Variants in DMD observed in about 807,000 individuals in gnomAD.
DMD encodes mutant dystrophin.
In DMD, 63 loss-of-function variants were observed where a neutral mutation model predicts 330.1. The observed-to-expected ratio is 0.19, with a 90% CI of 0.16 to 0.24. DMD has a LOEUF of 0.24. Ranked by LOEUF, DMD falls within the 10% of genes least tolerant of loss-of-function variation. The pLI is 1.00. For synonymous variants in DMD, 1,223 were observed against 959.8 expected, an observed-to-expected ratio of 1.27 and a Z score of -5.07; for missense variants, 3,344 against 2,684.1, an observed-to-expected ratio of 1.25 and a Z score of -5.43.
chrX:31,959,879 C>T (rs1300634748), intron 45 of DMD, among the ~76,000 whole-genome samples: 1 of 107,190 alleles, frequency 9.3e-6, no homozygotes, highest in East Asian at 3.0e-4. Context: ...ACTCTCCCAC[C>T]TCAGACTCCC....
At chrX:33,059,464 G>T (rs2094556982) in intron 1 of DMD, among the ~76,000 whole-genome samples, 1 of 110,698 alleles carries the variant, frequency 9.0e-6, no homozygotes, top group Non-Finnish European at 1.9e-5. Context: ...AGGAAAAGGG[G>T]TTCAAGAAGG....
At chrX:32,731,029 A>T (rs1569495532) in intron 7 of DMD, among the ~76,000 whole-genome samples, 1 of 111,486 alleles carries the variant, frequency 9.0e-6, no homozygotes, top group Non-Finnish European at 1.9e-5. Flanking sequence ...AGTGCCAGAC[A>T]GTGGGCGCAG....
At chrX:31,595,754 G>T (rs1398199554) in intron 55 of DMD, among the ~76,000 whole-genome samples, 2 of 103,097 alleles carry the variant, frequency 1.9e-5, no homozygotes, top group African/African-American at 3.5e-5. Flanking sequence ...TTTTTTTGAA[G>T]ATTGCAACTC....
In DMD at chrX:31,964,754, A is replaced by T. The variant is rs113540726; in HGVS notation, c.6614+3585T>A. On this transcript the variant is annotated intron_variant, in intron 45 of 78. Coordinates refer to ENST00000357033, the MANE Select transcript of DMD (RefSeq NM_004006.3). The stretch of plus-strand genomic sequence containing the variant: ...GGAGGAAAACAGTGTAAATGGGCAT[A>T]TGTTTTGCAATTGTTTCAATTTTTC... Among the ~76,000 whole-genome samples the T allele has an allele frequency of 0.09, 9,878 of 109,963 alleles. 705 individuals carry two copies. The highest frequency in any genetic ancestry group is 0.24 in the African/African-American group (7,203 of 30,134).
At chrX:32,029,155 G>A (rs1197243432) in intron 44 of DMD, among the ~76,000 whole-genome samples, 1 of 111,060 alleles carries the variant, frequency 9.0e-6, no homozygotes, top group Non-Finnish European at 1.9e-5. Flanking sequence ...CAGCTCTGCT[G>A]GTTCTTTCCT....
At chrX:31,256,636 T>C (rs1383190159) in intron 63 of DMD, among the ~76,000 whole-genome samples, 4 of 111,788 alleles carry the variant, frequency 3.6e-5, no homozygotes, top group African/African-American at 1.3e-4. Context: ...CAACTGGACA[T>C]ACAGACTAAA....
intron 2 of DMD, among the ~76,000 whole-genome samples, chrX:33,003,499 A>G (rs1440321173): frequency 8.9e-6 from 1 of 112,070 alleles, no homozygotes; most frequent in Non-Finnish European, 1.9e-5. Context: ...AACAAAGTGG[A>G]AATAGAAAAT....
intron 1 of DMD, among the ~76,000 whole-genome samples, chrX:33,311,061 C>T (rs910265180): frequency 1.8e-5 from 2 of 110,017 alleles, no homozygotes; most frequent in Non-Finnish European, 3.8e-5. Flanking sequence ...TATAAATATA[C>T]ATATATACAT....
At chrX:32,982,653 G>C (rs938505824) in intron 2 of DMD, among the ~76,000 whole-genome samples, 1 of 111,442 alleles carries the variant, frequency 9.0e-6, no homozygotes, top group African/African-American at 3.3e-5. Flanking sequence ...ACTGGGTCTG[G>C]AGCAGAAGTT....
chrX:33,064,251 G>T (rs1399620606), intron 1 of DMD, among the ~76,000 whole-genome samples: 1 of 110,225 alleles, frequency 9.1e-6, no homozygotes, highest in African/African-American at 3.3e-5. Context: ...AGAACTAAGG[G>T]CACTCACTCT....
intron 55 of DMD, among the ~76,000 whole-genome samples, chrX:31,529,905 A>T (rs1317409206): frequency 9.0e-6 from 1 of 111,070 alleles, no homozygotes; most frequent in Non-Finnish European, 1.9e-5. Context: ...TTTAAAAAAA[A>T]AAAAAAAGAA....
At chrX:32,380,727 A>C in intron 33 of DMD, 47 bp from the exon 34 acceptor site, 1 of 1,097,687 alleles carries the variant, frequency 9.1e-7, no homozygotes, top group Non-Finnish European at 1.2e-6. Flanking sequence ...TCTTTAATTC[A>C]AATTTCGTTA....
At chrX:31,600,904 A>C (rs2148210956) in intron 55 of DMD, among the ~76,000 whole-genome samples, 1 of 108,323 alleles carries the variant, frequency 9.2e-6, no homozygotes, top group Non-Finnish European at 1.9e-5. Flanking sequence ...CTAGTCCTAG[A>C]GTCTTGTGCT....
At chrX:32,510,805 G>T (rs1351090333) in intron 18 of DMD, among the ~76,000 whole-genome samples, 1 of 111,336 alleles carries the variant, frequency 9.0e-6, no homozygotes, top group African/African-American at 3.3e-5. Context: ...CTGCATATTA[G>T]TTAGGGAGTT....
At chrX:31,905,895 G>C (rs895109740) in intron 47 of DMD, among the ~76,000 whole-genome samples, 1 of 111,781 alleles carries the variant, frequency 8.9e-6, no homozygotes, top group South Asian at 3.7e-4. Flanking sequence ...AAATTATAAA[G>C]TGAATTTTTA....
intron 50 of DMD, among the ~76,000 whole-genome samples, chrX:31,804,748 C>A (rs1176374118): frequency 1.8e-5 from 2 of 110,959 alleles, no homozygotes; most frequent in Non-Finnish European, 3.8e-5. Context: ...TTGCCTCCAA[C>A]TGTTACTTGT....
chrX:32,451,120 C>G (rs1376565416), intron 26 of DMD, among the ~76,000 whole-genome samples: 1 of 110,706 alleles, frequency 9.0e-6, no homozygotes, highest in African/African-American at 3.3e-5. Flanking sequence ...TTAAAGTGAG[C>G]ACCCTTGGAA....
intron 2 of DMD, among the ~76,000 whole-genome samples, chrX:33,008,630 T>C (rs1047015509): frequency 4.6e-5 from 5 of 109,332 alleles, no homozygotes; most frequent in African/African-American, 1.7e-4. Flanking sequence ...TCAATAGTAA[T>C]GCCACAACGA....
intron 41 of DMD, among the ~76,000 whole-genome samples, chrX:32,310,963 C>G (rs1443841186): frequency 1.8e-5 from 2 of 110,886 alleles, no homozygotes; most frequent in East Asian, 5.7e-4. Context: ...TCTCTTGCAC[C>G]TACACTTTTC....
Sources: gnomAD v4.1 joint callset for allele counts (sites outside exome capture counted in the v4.1 genomes callset) on GRCh38, gnomAD v4.1.1 for gene constraint, MANE v1.5 for transcripts, NCBI Gene and HGNC (gene_info 2026-07-23, HGNC 2026-07-21) for gene names.